The following EIF3H variants were observed in gnomAD, a reference collection of about 807,000 sequenced individuals.
EIF3H encodes the protein eIF-3-gamma.
In EIF3H, 26 loss-of-function variants were observed where a neutral mutation model predicts 44.2. That is an observed-to-expected ratio of 0.59 (90% CI 0.43 to 0.82). The LOEUF (loss-of-function observed/expected upper bound fraction) is 0.82. Ranked by LOEUF, EIF3H falls within the 40% of genes least tolerant of loss-of-function variation. The pLI, the probability that EIF3H is intolerant of heterozygous loss-of-function variation, is 0.00. For missense variants in EIF3H, 359 were observed against 432.8 expected (o/e 0.83, Z 1.51); for synonymous variants, 166 against 151.9 (o/e 1.09, Z -0.68).
At chr8:116,648,073 C>CTTAG (rs1373811606) in intron 6 of EIF3H, among the ~76,000 whole-genome samples, 1 of 152,130 alleles carries the variant, frequency 6.6e-6, no homozygotes, top group Non-Finnish European at 1.5e-5. Flanking sequence ...CTCAGTTGTG[C>CTTAG]TTAGAATTCT....
chr8:116,674,071 A>C (rs1784032378), intron 2 of EIF3H, among the ~76,000 whole-genome samples: 3 of 116,078 alleles, frequency 2.6e-5, no homozygotes, highest in Admixed American at 8.5e-5. Flanking sequence ...CTGTCTCAAA[A>C]AAAAAAAAAA....
intron 1 of EIF3H, among the ~76,000 whole-genome samples, chr8:116,754,834 A>G (rs770577931): frequency 1.1e-4 from 16 of 152,266 alleles, no homozygotes; most frequent in Non-Finnish European, 1.9e-4. Flanking sequence ...GCTTGCAATT[A>G]CAATTTTCAC....
At chr8:116,753,079 T>C (rs1815385662) in intron 1 of EIF3H, among the ~76,000 whole-genome samples, 1 of 152,172 alleles carries the variant, frequency 6.6e-6, no homozygotes, top group Non-Finnish European at 1.5e-5. Flanking sequence ...CCCTACATGA[T>C]TTATGGTAAC....
Position 116,646,331 on chromosome 8 carries a change from T to A in EIF3H, c.961+140A>T. ...GTTCTTAGATTTCAGATATTACAGG[T>A]GCTAGATTCAAATTCATCCTGCAAC... On this transcript the variant is annotated intron_variant, in intron 7 of 7. Coordinates refer to ENST00000521861, the MANE Select transcript of EIF3H (RefSeq NM_003756.3). The A allele has an allele frequency of 5.7e-6, 7 of 1,233,442 alleles. No individual in the cohort carries two copies. The South Asian group carries it at 9.5e-5, about 17-fold the overall frequency. 76.4% of individuals were successfully genotyped at this position (1,233,442 alleles called of 1,614,324 possible).
intron 1 of EIF3H, among the ~76,000 whole-genome samples, chr8:116,748,685 C>T (rs1157010907): frequency 6.6e-6 from 1 of 152,146 alleles, no homozygotes; most frequent in Admixed American, 6.5e-5. Flanking sequence ...AGCTGATATT[C>T]TAGTGTGAAG....
chr8:116,755,670 C>G lies in EIF3H; in HGVS notation c.128G>C (p.Gly43Ala). 1 of 1,614,128 alleles carries G rather than the reference C, an allele frequency of 6.2e-7. No homozygotes were observed. The highest frequency in any genetic ancestry group is 1.3e-5 in the African/African-American group (1 of 75,060). The change falls in exon 1 of 8, where the codon GGC becomes GCC. Residue 43 changes from glycine to alanine, a missense_variant. Around this residue, in one of 5 missense-constraint regions of EIF3H, gnomAD observed 91 missense variants for 164.6 expected, o/e 0.55. Coordinates refer to ENST00000521861, the MANE Select transcript of EIF3H (RefSeq NM_003756.3). ...DSAVKQVQID[G>A]LVVLKIIKHY... is the part of the protein sequence containing the mutation. ...AGGAAAAAGAACAGCACTCACAAGG[C>G]CATCTATCTGCACTTGCTTCACGGC...
chr8:116,668,847 C>T (rs1813708745), intron 2 of EIF3H, among the ~76,000 whole-genome samples: 1 of 152,080 alleles, frequency 6.6e-6, no homozygotes, highest in Non-Finnish European at 1.5e-5. Flanking sequence ...GAGCTCAAAC[C>T]CTTACCACCA....
rs1242456987 is a variant in EIF3H, at chr8:116,643,190, G to A, written c.*1816C>T. 6.6e-6 allele frequency: 1 copy of A among 152,220 alleles called. No individual in the cohort carries two copies. Among genetic ancestry groups the A allele is most frequent in the East Asian group, 1.9e-4 (1 of 5,196 alleles). 9.4% of individuals were successfully genotyped at this position (152,220 alleles called of 1,614,324 possible). A position where few individuals can be genotyped will look rare whatever the true frequency, so the allele number is the denominator to read the frequency against. On this transcript the variant is annotated 3_prime_UTR_variant, in exon 8 of 8. Coordinates refer to ENST00000521861, the MANE Select transcript of EIF3H (RefSeq NM_003756.3). ...GCAGGGGCCATGGCCAGTTTTACCT[G>A]TTAATATATCCCTTCTGTCTAACAC...
chr8:116,695,067 CTTTTTTTTTTT>C (rs767166377), intron 2 of EIF3H, among the ~76,000 whole-genome samples: 2 of 133,566 alleles, frequency 1.5e-5, no homozygotes, highest in African/African-American at 5.6e-5. Context: ...CTTCCTAATT[CTTTTTTTTTTT>C]TTTTTTTTGA....
At chr8:116,713,920 C>T (rs1210536990) in intron 2 of EIF3H, among the ~76,000 whole-genome samples, 1 of 151,986 alleles carries the variant, frequency 6.6e-6, no homozygotes, top group Non-Finnish European at 1.5e-5. Flanking sequence ...GCTTCTAAAA[C>T]CAAGTATCTA....
intron 2 of EIF3H, among the ~76,000 whole-genome samples, chr8:116,685,755 C>T (rs529132289): frequency 1.8e-4 from 27 of 152,270 alleles, no homozygotes; most frequent in African/African-American, 5.1e-4. Context: ...TTTCAATTTT[C>T]GACCATAAAC....
intron 2 of EIF3H, among the ~76,000 whole-genome samples, chr8:116,709,913 G>A (rs1329636567): frequency 1.3e-5 from 2 of 152,216 alleles, no homozygotes; most frequent in African/African-American, 4.8e-5. Flanking sequence ...CCAGGACATT[G>A]AAAAGATGAA....
intron 2 of EIF3H, among the ~76,000 whole-genome samples, chr8:116,701,760 C>G (rs1415138514): frequency 6.6e-6 from 1 of 151,892 alleles, no homozygotes; most frequent in East Asian, 1.9e-4. Context: ...GTGTCATGGC[C>G]AGGAAAAACT....
chr8:116,723,509 C>T (rs1308757817), intron 2 of EIF3H, among the ~76,000 whole-genome samples: 2 of 152,090 alleles, frequency 1.3e-5, no homozygotes, highest in African/African-American at 2.4e-5. Flanking sequence ...ACAAAAGTAG[C>T]CCTGGTTAGT....
At chr8:116,754,918 AAAGG>A (rs1481934560) in intron 1 of EIF3H, among the ~76,000 whole-genome samples, 3 of 152,260 alleles carry the variant, frequency 2.0e-5, no homozygotes, top group Admixed American at 6.5e-5. Context: ...TAAAAAAATC[AAAGG>A]AAGAGAGGAT....
chr8:116,687,520 T>C (rs1814096643), intron 2 of EIF3H, among the ~76,000 whole-genome samples: 1 of 152,182 alleles, frequency 6.6e-6, no homozygotes, highest in African/African-American at 2.4e-5. Flanking sequence ...TATGATTACA[T>C]TGTTTCATTA....
At chr8:116,645,939 A>T (rs1387446290) in intron 7 of EIF3H, among the ~76,000 whole-genome samples, 1 of 152,254 alleles carries the variant, frequency 6.6e-6, no homozygotes, top group Non-Finnish European at 1.5e-5. Context: ...TAAGGGCATG[A>T]ATGTCATATA....
chr8:116,688,749 G>A (rs144348221), intron 2 of EIF3H, among the ~76,000 whole-genome samples: 203 of 152,138 alleles, frequency 1.3e-3, no homozygotes, highest in African/African-American at 4.8e-3. Context: ...TTGTGCATCT[G>A]TTTGATGCAC....
intron 2 of EIF3H, among the ~76,000 whole-genome samples, chr8:116,672,057 T>C (rs1051703595): frequency 2.0e-5 from 3 of 152,222 alleles, no homozygotes; most frequent in African/African-American, 4.8e-5. Context: ...TTAATGTTTA[T>C]TACAATGGTA....
Sources: gnomAD v4.1 joint callset for allele counts (sites outside exome capture counted in the v4.1 genomes callset) on GRCh38, gnomAD v4.1.1 for gene constraint, gnomAD v4.1.1 regional missense constraint, MANE v1.5 for transcripts, NCBI Gene and HGNC (gene_info 2026-07-23, HGNC 2026-07-21) for gene names.